GABRB1: variants seen among roughly 807,000 people sequenced by gnomAD.
GABRB1 encodes gamma-aminobutyric acid receptor subunit beta-1.
GABRB1 carries 17 observed loss-of-function variants against 51.6 expected under a neutral mutation model. The observed-to-expected ratio is 0.33, with a 90% CI of 0.23 to 0.49. GABRB1 has a LOEUF of 0.49. Among genes scored for constraint, GABRB1 ranks in the 20% least tolerant of loss-of-function variants. The pLI is 0.99. For missense variants in GABRB1, 410 were observed against 600.6 expected (o/e 0.68, Z 3.32); for synonymous variants, 247 against 218.9 (o/e 1.13, Z -1.14).
At chr4:47,054,642 C>T (rs928285152) in intron 3 of GABRB1, among the ~76,000 whole-genome samples, 4 of 151,594 alleles carry the variant, frequency 2.6e-5, no homozygotes, top group Admixed American at 6.6e-5. Context: ...AGTGCAGTGG[C>T]ATGGTCTCGG....
At chr4:47,243,901 C>A (rs1411636033) in intron 4 of GABRB1, among the ~76,000 whole-genome samples, 1 of 152,138 alleles carries the variant, frequency 6.6e-6, no homozygotes, top group Non-Finnish European at 1.5e-5. Context: ...ATTGCCCTGG[C>A]CAGAACTTCC....
chr4:47,077,940 T>TTA (rs1727639469), intron 3 of GABRB1, among the ~76,000 whole-genome samples: 2 of 112,090 alleles, frequency 1.8e-5, no homozygotes, highest in African/African-American at 6.9e-5. Context: ...ATTATATATT[T>TTA]TATATATATT....
chr4:47,226,758 G>A (rs2109830672), intron 4 of GABRB1, among the ~76,000 whole-genome samples: 1 of 152,220 alleles, frequency 6.6e-6, no homozygotes, highest in South Asian at 2.1e-4. Flanking sequence ...GCCAGCAGTT[G>A]TACTACATAG....
chr4:47,164,066 A>G lies in GABRB1; in HGVS notation c.461+2597A>G, dbSNP rs372916391. Among the ~76,000 whole-genome samples, 27 of 151,606 alleles carry G rather than the reference A, an allele frequency of 1.8e-4. No individual in the cohort carries two copies. The South Asian group carries it at 5.7e-3, about 32-fold the overall frequency. The stretch of plus-strand genomic sequence containing the variant: ...AAGGGGGAGGAACCCCATACTTACC[A>G]AAAAAAACAGGTCTCATGAGAATTC... On this transcript the variant is annotated intron_variant, in intron 4 of 8. Transcript: ENST00000295454.
At chr4:47,334,982 A>C (rs1725641281) in intron 5 of GABRB1, among the ~76,000 whole-genome samples, 1 of 152,064 alleles carries the variant, frequency 6.6e-6, no homozygotes, top group Admixed American at 6.6e-5. Flanking sequence ...GTGATGAATC[A>C]CCTCTCTATG....
rs1478851916 is a variant in GABRB1, at chr4:47,319,986, T to A, written c.462-141T>A. ...ATCCAATTTGTTGACGTATAATTAT[T>A]CATAATAGTTTCTTAAAATCTCACA... is the stretch of plus-strand genomic sequence containing the variant. On this transcript the variant is annotated intron_variant, in intron 4 of 8. Coordinates refer to ENST00000295454, the MANE Select transcript of GABRB1 (RefSeq NM_000812.4). 7 of 680,570 alleles carry A rather than the reference T, an allele frequency of 1.0e-5. No homozygotes were observed. In the East Asian group the frequency reaches 1.6e-4, roughly 16 times the overall value. The allele number at this position is 680,570 out of a possible 1,614,324, so 42.2% of individuals were successfully genotyped here.
At chr4:47,372,978 A>G (rs938274363) in intron 5 of GABRB1, among the ~76,000 whole-genome samples, 1 of 152,048 alleles carries the variant, frequency 6.6e-6, no homozygotes, top group Non-Finnish European at 1.5e-5. Context: ...CTGGACCCAC[A>G]TGCCCTGCAG....
At chr4:47,104,330 T>TAGCC (rs1714853971) in intron 3 of GABRB1, among the ~76,000 whole-genome samples, 1 of 151,920 alleles carries the variant, frequency 6.6e-6, no homozygotes, top group Non-Finnish European at 1.5e-5. Context: ...GTATTTATAT[T>TAGCC]TAGTTTTTAG....
chr4:47,004,644 C>T (rs1294839214), intron 1 of GABRB1, among the ~76,000 whole-genome samples: 4 of 152,180 alleles, frequency 2.6e-5, no homozygotes, highest in African/African-American at 9.7e-5. Flanking sequence ...TGCTTTTTGA[C>T]TGCCTATTCC....
At chr4:47,376,050 G>C (rs1727364133) in intron 5 of GABRB1, among the ~76,000 whole-genome samples, 1 of 152,176 alleles carries the variant, frequency 6.6e-6, no homozygotes, top group African/African-American at 2.4e-5. Context: ...TCTCAAAGCA[G>C]AAATTCTGTC....
intron 3 of GABRB1, among the ~76,000 whole-genome samples, chr4:47,083,346 T>C (rs1727930472): frequency 6.6e-6 from 1 of 152,194 alleles, no homozygotes; most frequent in Non-Finnish European, 1.5e-5. Flanking sequence ...CCATTACACA[T>C]GTGCATGCAC....
chr4:47,203,623 G>A (rs575708572), intron 4 of GABRB1, among the ~76,000 whole-genome samples: 9 of 152,200 alleles, frequency 5.9e-5, no homozygotes, highest in African/African-American at 2.2e-4. Flanking sequence ...TTCAGTAATT[G>A]TTTTAACACA....
At chr4:47,111,967 TTC>T (rs1715231712) in intron 3 of GABRB1, among the ~76,000 whole-genome samples, 2 of 81,854 alleles carry the variant, frequency 2.4e-5, no homozygotes. Context: ...CAAAGTAGTA[TTC>T]TTTTTTTTTT....
intron 3 of GABRB1, among the ~76,000 whole-genome samples, chr4:47,093,109 A>G (rs556415377): frequency 1.5e-4 from 23 of 152,324 alleles, no homozygotes; most frequent in Middle Eastern, 6.8e-3. Flanking sequence ...AAATTTCTGG[A>G]GAAAATTTCC....
intron 4 of GABRB1, among the ~76,000 whole-genome samples, chr4:47,293,646 T>G (rs1723847333): frequency 6.6e-6 from 1 of 152,220 alleles, no homozygotes; most frequent in South Asian, 2.1e-4. Context: ...TGGATGCCAG[T>G]TTCATAGTCA....
At chr4:47,016,498 G>A (rs1338337720) in intron 1 of GABRB1, among the ~76,000 whole-genome samples, 1 of 152,060 alleles carries the variant, frequency 6.6e-6, no homozygotes, top group Non-Finnish European at 1.5e-5. Context: ...TGGATAAAAG[G>A]AAAACGAAAT....
chr4:47,336,718 C>T (rs1725710361), intron 5 of GABRB1, among the ~76,000 whole-genome samples: 1 of 152,114 alleles, frequency 6.6e-6, no homozygotes, highest in Admixed American at 6.6e-5. Flanking sequence ...TGATAACTGA[C>T]AATTGGATTT....
intron 4 of GABRB1, among the ~76,000 whole-genome samples, chr4:47,165,018 G>A (rs772888043): frequency 3.9e-5 from 6 of 152,030 alleles, no homozygotes; most frequent in African/African-American, 1.2e-4. Flanking sequence ...AATAAAGAAC[G>A]TCCATGATGT....
At chr4:47,327,150 A>G (rs77657560) in intron 5 of GABRB1, among the ~76,000 whole-genome samples, 3,112 of 152,282 alleles carry the variant, frequency 0.02, 134 homozygotes, top group African/African-American at 0.071. Flanking sequence ...ACATTCATTT[A>G]TATACTTTAT....
Sources: gnomAD v4.1 joint callset for allele counts (sites outside exome capture counted in the v4.1 genomes callset) on GRCh38, gnomAD v4.1.1 for gene constraint, MANE v1.5 for transcripts, NCBI Gene and HGNC (gene_info 2026-07-23, HGNC 2026-07-21) for gene names.